NXPH2: variants seen among roughly 807,000 people sequenced by gnomAD.
The protein encoded by NXPH2 is neurexophilin 2.
Under a neutral mutation model 19.8 loss-of-function variants are expected in NXPH2, and 5 were observed. The observed-to-expected ratio is 0.25, with a 90% confidence interval of 0.13 to 0.53. The LOEUF (loss-of-function observed/expected upper bound fraction) is 0.53. Ranked by LOEUF, NXPH2 falls within the 20% of genes least tolerant of loss-of-function variation. The probability of loss-of-function intolerance (pLI) is 0.96; values close to 1 mark genes in which losing one functional copy is unlikely to be tolerated. For missense variants in NXPH2, 289 were observed against 322.8 expected, an observed-to-expected ratio of 0.90 and a Z score of 0.80; for synonymous variants, 154 against 127.4, an observed-to-expected ratio of 1.21 and a Z score of -1.41.
At chr2:138,713,137 G>T (rs1260035559) in intron 1 of NXPH2, among the ~76,000 whole-genome samples, 1 of 152,184 alleles carries the variant, frequency 6.6e-6, no homozygotes, top group African/African-American at 2.4e-5. Context: ...GGAGAAGCCT[G>T]AATTGAAAGG....
chr2:138,713,323 G>T (rs1314392875), intron 1 of NXPH2, among the ~76,000 whole-genome samples: 2 of 152,100 alleles, frequency 1.3e-5, no homozygotes, highest in Non-Finnish European at 2.9e-5. Context: ...TGACCCAAAC[G>T]GTCTGAAGAG....
intron 1 of NXPH2, among the ~76,000 whole-genome samples, chr2:138,765,759 C>CCAGGTTATATTTT (rs1682079872): frequency 6.6e-6 from 1 of 152,146 alleles, no homozygotes; most frequent in Admixed American, 6.5e-5. Context: ...AAAATATAAC[C>CCAGGTTATATTTT]TGGGTTTGTG....
At position 138,671,686 on chromosome 2, in the gene NXPH2, G is replaced by T. The variant is rs567375166; in HGVS notation, c.52-21C>A. 3 of 1,524,182 alleles carry T rather than the reference G, an allele frequency of 2.0e-6. No homozygotes were observed. In the South Asian group the frequency reaches 3.9e-5, roughly 20 times the overall value. The allele number at this position is 1,524,182 out of a possible 1,614,324, so 94.4% of individuals were successfully genotyped here. A position where few individuals can be genotyped will look rare whatever the true frequency, so the allele number is the denominator to read the frequency against. On this transcript the variant is annotated intron_variant, in intron 1 of 1. Coordinates refer to ENST00000272641, the MANE Select transcript of NXPH2 (RefSeq NM_007226.3). ...AATAGCTGTTTGAAAAGAAGAAAGA[G>T]AAATAAACTTTAGGTTAGTGCCGTG...
intron 1 of NXPH2, among the ~76,000 whole-genome samples, chr2:138,749,506 T>A (rs1310509272): frequency 6.6e-6 from 1 of 152,158 alleles, no homozygotes; most frequent in Non-Finnish European, 1.5e-5. Flanking sequence ...GGATCCCAAA[T>A]GTACAAAATG....
chr2:138,687,937 T>C (rs533159203), intron 1 of NXPH2, among the ~76,000 whole-genome samples: 228 of 152,368 alleles, frequency 1.5e-3, no homozygotes, highest in African/African-American at 5.1e-3. Context: ...TTCTGGTTAC[T>C]GTAGCCTTGT....
intron 1 of NXPH2, among the ~76,000 whole-genome samples, chr2:138,706,343 C>T (rs892290004): frequency 6.6e-6 from 1 of 152,152 alleles, no homozygotes; most frequent in Non-Finnish European, 1.5e-5. Flanking sequence ...AAATGACATG[C>T]TCTAGAAAAG....
At chr2:138,765,062 A>G (rs1682070787) in intron 1 of NXPH2, among the ~76,000 whole-genome samples, 1 of 152,244 alleles carries the variant, frequency 6.6e-6, no homozygotes, top group African/African-American at 2.4e-5. Flanking sequence ...TGGTAGTAGC[A>G]TAATTAGGTC....
chr2:138,768,295 T>G (rs942970006), intron 1 of NXPH2, among the ~76,000 whole-genome samples: 22 of 152,308 alleles, frequency 1.4e-4, no homozygotes, highest in African/African-American at 4.8e-4. Context: ...TCATGTGGAT[T>G]AATATGAACA....
intron 1 of NXPH2, among the ~76,000 whole-genome samples, chr2:138,760,251 C>T (rs985560926): frequency 5.3e-5 from 8 of 152,190 alleles, no homozygotes; most frequent in African/African-American, 1.9e-4. Flanking sequence ...CCGCCAACTA[C>T]TAATGAGCAA....
At chr2:138,671,988 T>C (rs531501082) in intron 1 of NXPH2, among the ~76,000 whole-genome samples, 1 of 152,338 alleles carries the variant, frequency 6.6e-6, no homozygotes, top group African/African-American at 2.4e-5. Flanking sequence ...TTTTGACTTC[T>C]CATTTGATAT....
At chr2:138,749,369 C>A (rs1246645166) in intron 1 of NXPH2, among the ~76,000 whole-genome samples, 1 of 151,996 alleles carries the variant, frequency 6.6e-6, no homozygotes, top group Non-Finnish European at 1.5e-5. Flanking sequence ...GAGAATGGAC[C>A]AACACAACTA....
intron 1 of NXPH2, among the ~76,000 whole-genome samples, chr2:138,727,157 CCA>C (rs1229827664): frequency 6.6e-6 from 1 of 152,104 alleles, no homozygotes; most frequent in East Asian, 1.9e-4. Flanking sequence ...TCTGGATGTA[CCA>C]CAGTTTATTT....
intron 1 of NXPH2, among the ~76,000 whole-genome samples, chr2:138,677,440 A>G (rs1051241407): frequency 3.3e-5 from 5 of 152,236 alleles, no homozygotes; most frequent in African/African-American, 1.2e-4. Flanking sequence ...CAATGATATC[A>G]TATTAGCTTT....
chr2:138,712,240 TGAGTAA>T (rs5834622), intron 1 of NXPH2, among the ~76,000 whole-genome samples: 49,073 of 151,938 alleles, frequency 0.32, 8,862 homozygotes, highest in Non-Finnish European at 0.42. Context: ...GTGCATTACA[TGAGTAA>T]AACAGTCTCT....
intron 1 of NXPH2, among the ~76,000 whole-genome samples, chr2:138,691,910 G>T (rs768695962): frequency 4.6e-5 from 7 of 152,120 alleles, no homozygotes; most frequent in Non-Finnish European, 1.0e-4. Flanking sequence ...CCAAAGTTCA[G>T]ACCCATAACA....
At chr2:138,723,088 C>T (rs1416476682) in intron 1 of NXPH2, among the ~76,000 whole-genome samples, 14 of 152,182 alleles carry the variant, frequency 9.2e-5, no homozygotes, top group Non-Finnish European at 2.1e-4. Flanking sequence ...AAGATATTTT[C>T]TTTCCCACAA....
chr2:138,747,760 T>C (rs543629853), intron 1 of NXPH2, among the ~76,000 whole-genome samples: 9 of 152,296 alleles, frequency 5.9e-5, no homozygotes, highest in African/African-American at 2.2e-4. Context: ...CTTCTTGAAG[T>C]CCACTAGCCT....
At chr2:138,772,525 G>A (rs934578926) in intron 1 of NXPH2, among the ~76,000 whole-genome samples, 3 of 152,138 alleles carry the variant, frequency 2.0e-5, no homozygotes, top group African/African-American at 4.8e-5. Context: ...TCGAACTCCC[G>A]ACCTCAGGTG....
In NXPH2 at chr2:138,671,444, C is replaced by T; in HGVS notation, c.273G>A (p.Gln91=). The change falls in exon 2 of 2, where the codon CAG becomes CAA. Residue 91 remains glutamine (Q), a synonymous_variant. Coordinates refer to ENST00000272641, the MANE Select transcript of NXPH2 (RefSeq NM_007226.3). The part of the protein sequence containing the change: ...WDWLANITEI[Q]EPLARTKRRP... ...TCCGTTTAGTTCTTGCCAATGGCTCCTGAATCTCCGTGATGTTGGCCAGCC... is the reference window on the plus strand; with the variant it reads ...TCCGTTTAGTTCTTGCCAATGGCTCTTGAATCTCCGTGATGTTGGCCAGCC... 1 of 1,613,958 alleles carries T rather than the reference C, an allele frequency of 6.2e-7. No individual in the cohort carries two copies. The highest frequency in any genetic ancestry group is 8.5e-7 in the Non-Finnish European group (1 of 1,179,840).
Sources: allele counts gnomAD v4.1 joint callset (sites outside exome capture counted in the v4.1 genomes callset), GRCh38; gene constraint gnomAD v4.1.1; transcripts MANE v1.5; gene names NCBI Gene and HGNC (gene_info 2026-07-23, HGNC 2026-07-21).